Variants in CHD3 observed in about 807,000 individuals in gnomAD.
CHD3 encodes chromodomain helicase DNA binding protein 3.
CHD3 carries 52 observed loss-of-function variants against 248.9 expected under a neutral mutation model. That is an observed-to-expected ratio of 0.21 (90% CI 0.17 to 0.26). CHD3 has a LOEUF of 0.26. Among genes scored for constraint, CHD3 ranks in the 10% least tolerant of loss-of-function variants. CHD3 has a pLI of 1.00. For synonymous variants in CHD3, 985 were observed against 985.2 expected, an observed-to-expected ratio of 1.00 and a Z score of 0.00; for missense variants, 1,482 against 2,605.8, an observed-to-expected ratio of 0.57 and a Z score of 9.39.
chr17:7,904,908 G>A lies in CHD3; in HGVS notation c.4073-192G>A, dbSNP rs372542068. On this transcript the variant is annotated intron_variant, in intron 25 of 39. Transcript: ENST00000330494. The surrounding 1 kb of genome is among the most constrained non-coding windows in gnomAD (Gnocchi z 4.4). ...AGGGGCCCAGAGACTGAAGGTGGGC[G>A]GTGAATGGAGATGGTGTAGGATATG... Among the ~76,000 whole-genome samples, 58 of 152,294 alleles carry A rather than the reference G, an allele frequency of 3.8e-4. 1 individual carries two copies. The highest frequency in any genetic ancestry group is 3.4e-3 in the Middle Eastern group (1 of 294).
rs1447024748 is a variant in CHD3 at position 7,904,666 on chromosome 17, GA to G, written c.4072+48del. On this transcript the variant is annotated intron_variant, in intron 25 of 39. Coordinates refer to ENST00000330494, the MANE Select transcript of CHD3 (RefSeq NM_001005273.3). The surrounding 1 kb of genome is among the most constrained non-coding windows in gnomAD (Gnocchi z 4.4). ...GGCAGTAAAGGGGGGAAGTGATGATGAGTAGGGACTTGAAGGCTGGAGCTAT... is the reference window on the plus strand; with the variant it reads ...GGCAGTAAAGGGGGGAAGTGATGATGGTAGGGACTTGAAGGCTGGAGCTAT... 9 of 1,548,330 alleles carry G rather than the reference GA, an allele frequency of 5.8e-6. No individual in the cohort carries two copies. The highest frequency in any genetic ancestry group is 4.1e-5 in the African/African-American group (3 of 73,396).
rs140669112 is a variant in CHD3, at chr17:7,903,424, G to A, written c.3648G>A (p.Lys1216=). 8.1e-5 allele frequency: 130 copies of A among 1,614,210 alleles called. No individual in the cohort carries two copies. The highest frequency in any genetic ancestry group is 2.0e-4 in the Admixed American group (12 of 60,024). The change falls in exon 23 of 40, where the codon AAG becomes AAA. Residue 1216 remains lysine, a synonymous_variant. Coordinates refer to ENST00000330494, the MANE Select transcript of CHD3 (RefSeq NM_001005273.3). This position sits in a 1 kb window ranked among gnomAD's most constrained non-coding sequence, Gnocchi z 6.8. ...HLVVRPGLGS[K]AGSMSKQELD... Reference sequence around the variant, plus strand: ...TTGTGCGGCCTGGGCTGGGCTCCAAGGCAGGCTCCATGTCCAAGCAGGAGC... The same window carrying A: ...TTGTGCGGCCTGGGCTGGGCTCCAAAGCAGGCTCCATGTCCAAGCAGGAGC...
Position 7,905,020 on chromosome 17 carries a change from G to A in CHD3, c.4073-80G>A, listed in dbSNP as rs1477386380. 1 of 1,283,858 alleles carries A rather than the reference G, an allele frequency of 7.8e-7. No individual in the cohort carries two copies. The highest frequency in any genetic ancestry group is 1.1e-6 in the Non-Finnish European group (1 of 880,574). The allele number at this position is 1,283,858 out of a possible 1,614,324, so 79.5% of individuals were successfully genotyped here. ...AAAGGTAGACAAGTCTCGGCAGGGA[G>A]GAATCCAGCCAGAAAGGGCCTCAGC... On this transcript the variant is annotated intron_variant, in intron 25 of 39. Coordinates refer to ENST00000330494, the MANE Select transcript of CHD3 (RefSeq NM_001005273.3). The surrounding 1 kb of genome is among the most constrained non-coding windows in gnomAD (Gnocchi z 5.8).
rs143090817 is a variant in CHD3, at chr17:7,904,649, A to AAG, written c.4072+30_4072+31insAG. On this transcript the variant is annotated intron_variant, in intron 25 of 39. Transcript: ENST00000330494. The surrounding 1 kb of genome is among the most constrained non-coding windows in gnomAD (Gnocchi z 4.4). Reference sequence around the variant, plus strand: ...GGACTGCCCCAGATGCAGGCAGTAAAGGGGGGAAGTGATGATGAGTAGGGA... The same window carrying AAG: ...GGACTGCCCCAGATGCAGGCAGTAAAAGGGGGGGAAGTGATGATGAGTAGGGA... 2.2e-3 allele frequency: 3,501 copies of AAG among 1,596,226 alleles called. 66 individuals carry two copies. The African/African-American group carries it at 0.041, about 19-fold the overall frequency.
chr17:7,910,585 C>T lies in CHD3; in HGVS notation c.5748C>T (p.Pro1916=), dbSNP rs779214257. 1 of 1,609,330 alleles carries T rather than the reference C, an allele frequency of 6.2e-7. No homozygotes were observed. Among genetic ancestry groups the T allele is most frequent in the Non-Finnish European group, 8.5e-7 (1 of 1,179,450 alleles). ...CCAGCAAGGGCACGGAGCCTCACCC[C>T]ACACCGGTAACCCTCTTTCCCCCTA... ...RLASKGTEPH[P]TPAYPPGPYA... is the part of the protein sequence containing the mutation. The change falls in exon 38 of 40, where the codon CCC becomes CCT. Residue 1916 remains proline (P), a synonymous_variant. Coordinates refer to ENST00000330494, the MANE Select transcript of CHD3 (RefSeq NM_001005273.3). The surrounding 1 kb of genome is among the most constrained non-coding windows in gnomAD (Gnocchi z 4.7).
chr17:7,897,253 C>T lies in CHD3; in HGVS notation c.1878C>T (p.Ile626=), dbSNP rs1452936449. ...AGGAGAAGTACTATCGTTTTGGCAT[C>T]AAGCCAGAGTGGATGACCGTCCACC... ...EMEEKYYRFG[I]KPEWMTVHRI... The change falls in exon 11 of 40, where the codon ATC becomes ATT. Residue 626 remains isoleucine, a synonymous_variant. Coordinates refer to ENST00000330494, the MANE Select transcript of CHD3 (RefSeq NM_001005273.3). This position sits in a 1 kb window ranked among gnomAD's most constrained non-coding sequence, Gnocchi z 4.8. The T allele has an allele frequency of 9.9e-6, 16 of 1,614,108 alleles. No homozygotes were observed. The highest frequency in any genetic ancestry group is 1.3e-5 in the African/African-American group (1 of 75,044).
Position 7,907,643 on chromosome 17 carries a change from T to C in CHD3, c.4967T>C (p.Leu1656Ser). The change falls in exon 33 of 40, where the codon TTG (leucine) becomes TCG (serine). Residue 1656 changes from leucine (L) to serine (S), a missense_variant. Physicochemically the swap from Leu to Ser is moderately radical, Grantham distance 145 (BLOSUM62 -2). Around this residue, in one of 20 missense-constraint regions of CHD3, gnomAD observed 254 missense variants for 266.7 expected, o/e 0.95. Transcript: ENST00000330494. The surrounding 1 kb of genome is among the most constrained non-coding windows in gnomAD (Gnocchi z 4.3). Reference sequence around the variant, plus strand: ...GGAGAAAGGGGGGAGGAGAAGCCGTTGGATGGACAGGAACACAGGGAGAGG... The same window carrying C: ...GGAGAAAGGGGGGAGGAGAAGCCGTCGGATGGACAGGAACACAGGGAGAGG... ...TPGERGEEKP[L>S]DGQEHRERPE... is the part of the protein sequence containing the mutation. 1 of 1,529,576 alleles carries C rather than the reference T, an allele frequency of 6.5e-7. No homozygotes were observed. The highest frequency in any genetic ancestry group is 2.6e-5 in the Admixed American group (1 of 38,364). The allele number at this position is 1,529,576 out of a possible 1,614,324, so 94.8% of individuals were successfully genotyped here.
At position 7,910,130 on chromosome 17, in the gene CHD3, C is replaced by T; in HGVS notation, c.5591-298C>T. The T allele has an allele frequency of 8.1e-6, 3 of 369,990 alleles. No homozygotes were observed. Among genetic ancestry groups the T allele is most frequent in the Non-Finnish European group, 1.5e-5 (3 of 201,064 alleles). 22.9% of individuals were successfully genotyped at this position (369,990 alleles called of 1,614,324 possible). A position where few individuals can be genotyped will look rare whatever the true frequency, so the allele number is the denominator to read the frequency against. ...TCCCCGCCCCCATGTCTTCCAATGT[C>T]CCCCCATCTTCCTTTCCTCCATGCT... On this transcript the variant is annotated intron_variant, in intron 37 of 39. Coordinates refer to ENST00000330494, the MANE Select transcript of CHD3 (RefSeq NM_001005273.3). This position sits in a 1 kb window ranked among gnomAD's most constrained non-coding sequence, Gnocchi z 4.7.
In CHD3 at chr17:7,893,804, G is replaced by T. The variant is rs753346769; in HGVS notation, c.794-1G>T. The T allele has an allele frequency of 6.2e-7, 1 of 1,613,914 alleles. No homozygotes were observed. Among genetic ancestry groups the T allele is most frequent in the Non-Finnish European group, 8.5e-7 (1 of 1,180,004 alleles). On this transcript the variant is annotated splice_acceptor_variant, in intron 5 of 39. Transcript: ENST00000330494. LOFTEE classifies it high-confidence loss of function. ...TCTTCTCACCCCGACTCCTCATTCA[G>T]GTCCAGGCCATAAGAGGCGGAGTAA...
chr17:7,893,188 G>T, intron 4 of CHD3, 98 bp from the exon 5 acceptor site: 1 of 1,441,066 alleles, frequency 6.9e-7, no homozygotes, highest in Non-Finnish European at 9.1e-7. Flanking sequence ...CACCACCCAG[G>T]AATCCTAGCA....
upstream of CHD3, chr17:7,885,273 C>T (rs1044814819): frequency 3.9e-6 from 1 of 258,628 alleles, no homozygotes; most frequent in African/African-American, 2.6e-5. Flanking sequence ...GACCGCGGGG[C>T]CAGGCCTCCT....
rs890334803 is a variant in CHD3 at position 7,895,225 on chromosome 17, C to T, written c.1503+75C>T. On this transcript the variant is annotated intron_variant, in intron 9 of 39. Transcript: ENST00000330494. The surrounding 1 kb of genome is among the most constrained non-coding windows in gnomAD (Gnocchi z 4.9). ...CCCCCATCCCTGGGGCCCACATGTCCAGCTTTTCATTTCTCTGCACTCCCC... is the reference window on the plus strand; with the variant it reads ...CCCCCATCCCTGGGGCCCACATGTCTAGCTTTTCATTTCTCTGCACTCCCC... 1 of 1,584,370 alleles carries T rather than the reference C, an allele frequency of 6.3e-7. No homozygotes were observed. Among genetic ancestry groups the T allele is most frequent in the Non-Finnish European group, 8.6e-7 (1 of 1,162,508 alleles).
Position 7,909,977 on chromosome 17 carries a change from C to T in CHD3, c.5591-451C>T. On this transcript the variant is annotated intron_variant, in intron 37 of 39. Coordinates refer to ENST00000330494, the MANE Select transcript of CHD3 (RefSeq NM_001005273.3). The surrounding 1 kb of genome is among the most constrained non-coding windows in gnomAD (Gnocchi z 8.1). ...ATACTGACCTTCTAACCTCCCTCTCCCCTTACATATTAAAACCGTGATTCC... is the reference window on the plus strand; with the variant it reads ...ATACTGACCTTCTAACCTCCCTCTCTCCTTACATATTAAAACCGTGATTCC... 1 of 260,574 alleles carries T rather than the reference C, an allele frequency of 3.8e-6. No homozygotes were observed. The highest frequency in any genetic ancestry group is 2.3e-5 in the African/African-American group (1 of 43,396). The allele number at this position is 260,574 out of a possible 1,614,324, so 16.1% of individuals were successfully genotyped here.
Position 7,903,767 on chromosome 17 carries a change from C to T in CHD3, c.3728-58C>T. On this transcript the variant is annotated intron_variant, in intron 23 of 39. Transcript: ENST00000330494. This position sits in a 1 kb window ranked among gnomAD's most constrained non-coding sequence, Gnocchi z 6.8. Reference sequence around the variant, plus strand: ...AAAAGGACGCAGAGTAGAAGCTTTCCCATCAGCCTTTCTAAACTTTGGAAC... The same window carrying T: ...AAAAGGACGCAGAGTAGAAGCTTTCTCATCAGCCTTTCTAAACTTTGGAAC... The T allele has an allele frequency of 1.3e-6, 2 of 1,575,900 alleles. No individual in the cohort carries two copies. The highest frequency in any genetic ancestry group is 1.7e-6 in the Non-Finnish European group (2 of 1,150,854).
chr17:7,895,036 G>C lies in CHD3; in HGVS notation c.1389G>C (p.Lys463Asn), dbSNP rs763283692. Residue 463 changes from lysine (K) to asparagine (N), a missense_variant, in exon 9 of 40, where the codon AAG becomes AAC. This residue lies in a region of CHD3 where 138 missense variants were observed against 241.1 expected (regional missense o/e 0.57). Coordinates refer to ENST00000330494, the MANE Select transcript of CHD3 (RefSeq NM_001005273.3). The surrounding 1 kb of genome is among the most constrained non-coding windows in gnomAD (Gnocchi z 4.9). ...ACATGGAGTACTGCCGCGTATGCAA[G>C]GACGGCGGGGAGCTCCTGTGCTGTG... The part of the protein sequence containing the change: ...DDHMEYCRVC[K>N]DGGELLCCDA... 6.2e-7 allele frequency: 1 copy of C among 1,614,018 alleles called. No homozygotes were observed. The highest frequency in any genetic ancestry group is 1.3e-5 in the African/African-American group (1 of 74,910).
chr17:7,907,141 G>C lies in CHD3; in HGVS notation c.4682G>C (p.Ser1561Thr), dbSNP rs1971068160. 1 of 1,614,214 alleles carries C rather than the reference G, an allele frequency of 6.2e-7. No individual in the cohort carries two copies. The highest frequency in any genetic ancestry group is 8.5e-7 in the Non-Finnish European group (1 of 1,180,032). ...TCCCCTGCAGCTACTCCAGCTCCAAGTGAGAAAGGAGAAGGCATAAGGACA... is the reference window on the plus strand; with the variant it reads ...TCCCCTGCAGCTACTCCAGCTCCAACTGAGAAAGGAGAAGGCATAAGGACA... The part of the protein sequence containing the change: ...CTSKPATPAP[S>T]EKGEGIRTPL... Residue 1561 changes from serine to threonine, a missense_variant, in exon 31 of 40, where the codon AGT (serine) becomes ACT (threonine). By Grantham distance (58) the Ser-to-Thr change is moderately conservative. Around this residue, in one of 20 missense-constraint regions of CHD3, gnomAD observed 254 missense variants for 266.7 expected, o/e 0.95. Coordinates refer to ENST00000330494, the MANE Select transcript of CHD3 (RefSeq NM_001005273.3). The surrounding 1 kb of genome is among the most constrained non-coding windows in gnomAD (Gnocchi z 4.3).
intron 13 of CHD3, 102 bp from the exon 14 acceptor site, chr17:7,898,909 G>A (rs748425817): frequency 1.1e-5 from 11 of 1,040,344 alleles, no homozygotes; most frequent in Non-Finnish European, 1.6e-5. Context: ...CATAGTAGAG[G>A]GAATTGTAAT....
chr17:7,900,086 C>A lies in CHD3; in HGVS notation c.2682+53C>A. On this transcript the variant is annotated intron_variant, in intron 16 of 39. Transcript: ENST00000330494. The surrounding 1 kb of genome is among the most constrained non-coding windows in gnomAD (Gnocchi z 6.5). ...CTTGAAGTTGTGGACTTCCCACTTG[C>A]CTTGGTCCTAAAAAACAACAAAAAT... 1 of 1,560,550 alleles carries A rather than the reference C, an allele frequency of 6.4e-7. No homozygotes were observed. The highest frequency in any genetic ancestry group is 1.2e-5 in the South Asian group (1 of 84,438).
At position 7,899,898 on chromosome 17, in the gene CHD3, G is replaced by T; in HGVS notation, c.2547G>T (p.Arg849Ser). The change falls in exon 16 of 40, where the codon AGG (arginine) becomes AGT (serine). Residue 849 changes from arginine (R) to serine (S), a missense_variant and splice_region_variant. By Grantham distance (110) the Arg-to-Ser change is moderately radical. Around this residue, in one of 20 missense-constraint regions of CHD3, gnomAD observed 49 missense variants for 93.8 expected, o/e 0.52. Coordinates refer to ENST00000330494, the MANE Select transcript of CHD3 (RefSeq NM_001005273.3). This position sits in a 1 kb window ranked among gnomAD's most constrained non-coding sequence, Gnocchi z 6.8. The stretch of plus-strand genomic sequence containing the variant: ...ATGGGCAATAATTATGTTGGCAGAG[G>T]GAGGCACAGGTGAAGTTCCATGTTC... Reference protein sequence around the residue: ...KGGKKAFKMKREAQVKFHVLL... With the variant: ...KGGKKAFKMKSEAQVKFHVLL... 1 of 1,611,902 alleles carries T rather than the reference G, an allele frequency of 6.2e-7. No individual in the cohort carries two copies. Among genetic ancestry groups the T allele is most frequent in the Non-Finnish European group, 8.5e-7 (1 of 1,178,980 alleles).
Sources: allele counts gnomAD v4.1 joint callset (sites outside exome capture counted in the v4.1 genomes callset), GRCh38; gene constraint gnomAD v4.1.1; regional missense constraint gnomAD v4.1.1; non-coding constraint Gnocchi (gnomAD v3.1); transcripts MANE v1.5; gene names NCBI Gene and HGNC (gene_info 2026-07-23, HGNC 2026-07-21).